The following PIK3C2G variants were observed in gnomAD, a reference collection of about 807,000 sequenced individuals.
PIK3C2G encodes phosphatidylinositol-4-phosphate 3-kinase catalytic subunit type 2 gamma, also known as phosphatidylinositol 3-kinase C2 domain-containing subunit gamma.
A neutral mutation model predicts 181.1 loss-of-function variants in PIK3C2G; 168 were observed. The observed-to-expected ratio is 0.93, with a 90% CI of 0.82 to 1.05. PIK3C2G has a LOEUF of 1.05. Among genes scored for constraint, PIK3C2G ranks in the 50% least tolerant of loss-of-function variants. PIK3C2G has a pLI of 0.00. For synonymous variants in PIK3C2G, 573 were observed against 592.2 expected, an observed-to-expected ratio of 0.97 and a Z score of 0.47; for missense variants, 1,869 against 1,732.8, an observed-to-expected ratio of 1.08 and a Z score of -1.40.
chr12:18,600,075 A>G (rs985441378), intron 30 of PIK3C2G, among the ~76,000 whole-genome samples: 2 of 152,080 alleles, frequency 1.3e-5, no homozygotes, highest in Non-Finnish European at 2.9e-5. Flanking sequence ...AAAGTAGTCA[A>G]TAAGTCAAAA....
intron 18 of PIK3C2G, among the ~76,000 whole-genome samples, chr12:18,446,561 C>A (rs1947040879): frequency 6.6e-6 from 1 of 152,106 alleles, no homozygotes; most frequent in Non-Finnish European, 1.5e-5. Flanking sequence ...TTTCTCCCTG[C>A]AACCTTTTTT....
chr12:18,543,754 T>G (rs1239921337), intron 25 of PIK3C2G, among the ~76,000 whole-genome samples: 1 of 151,960 alleles, frequency 6.6e-6, no homozygotes, highest in African/African-American at 2.4e-5. Flanking sequence ...CCTGTGTGCC[T>G]ATTTTTGTAC....
intron 22 of PIK3C2G, among the ~76,000 whole-genome samples, chr12:18,501,765 T>C (rs1592425413): frequency 2.0e-5 from 3 of 152,350 alleles, no homozygotes; most frequent in Admixed American, 6.5e-5. Context: ...AGGCTTGTGA[T>C]CAGTGTCTTG....
chr12:18,600,689 A>T (rs994164823), intron 30 of PIK3C2G, among the ~76,000 whole-genome samples: 2 of 152,060 alleles, frequency 1.3e-5, no homozygotes, highest in Non-Finnish European at 2.9e-5. Flanking sequence ...GAGAAAATAA[A>T]TTTGTAAATC....
intron 25 of PIK3C2G, among the ~76,000 whole-genome samples, chr12:18,542,159 CAGA>C (rs1201501249): frequency 6.6e-6 from 1 of 151,772 alleles, no homozygotes; most frequent in African/African-American, 2.4e-5. Context: ...TCAGACCTTA[CAGA>C]AGAAGCCTAT....
intron 16 of PIK3C2G, among the ~76,000 whole-genome samples, chr12:18,402,668 T>C (rs1456620925): frequency 6.6e-6 from 1 of 152,138 alleles, no homozygotes; most frequent in African/African-American, 2.4e-5. Context: ...AAATCTTTAA[T>C]AGAATGAGAT....
chr12:18,247,968 T>G (rs1192096026), exon 1 of PIK3C2G: 1 of 152,126 alleles, frequency 6.6e-6, no homozygotes, highest in Non-Finnish European at 1.5e-5. Context: ...GAGAATCAAA[T>G]TATTGAGAAT....
intron 6 of PIK3C2G, 51 bp from the exon 7 acceptor site, chr12:18,320,911 G>T: frequency 1.0e-6 from 1 of 966,652 alleles, no homozygotes; most frequent in Non-Finnish European, 1.6e-6. Context: ...TTTTTATCTG[G>T]TACTCATTCC....
chr12:18,498,083 G>T (rs938171173), intron 22 of PIK3C2G, among the ~76,000 whole-genome samples: 1 of 151,912 alleles, frequency 6.6e-6, no homozygotes, highest in African/African-American at 2.4e-5. Flanking sequence ...ATTTTTAAAA[G>T]AATACAATTG....
chr12:18,693,949 T>A, the PIK3C2G span: 4 of 1,518,884 alleles, frequency 2.6e-6, no homozygotes, highest in Non-Finnish European at 3.7e-6. Context: ...ATGACCTCTC[T>A]GGTGCTGACA....
chr12:18,364,623 G>C (rs940542920), intron 12 of PIK3C2G, among the ~76,000 whole-genome samples: 13 of 152,088 alleles, frequency 8.5e-5, no homozygotes, highest in African/African-American at 3.1e-4. Context: ...ACCAACCCAG[G>C]TGCGGTGGCC....
At chr12:18,672,582 A>T in the PIK3C2G span, among the ~76,000 whole-genome samples, 2 of 152,180 alleles carry the variant, frequency 1.3e-5, no homozygotes, top group African/African-American at 4.8e-5. Context: ...TCACATTTGA[A>T]TGAATATGAG....
chr12:18,620,735 G>A (rs1204702241), intron 31 of PIK3C2G, among the ~76,000 whole-genome samples: 1 of 151,916 alleles, frequency 6.6e-6, no homozygotes, highest in East Asian at 1.9e-4. Context: ...AGAAGAAACT[G>A]ACATTCAATC....
chr12:18,385,866 C>T (rs1252618688), intron 14 of PIK3C2G, among the ~76,000 whole-genome samples: 1 of 152,090 alleles, frequency 6.6e-6, no homozygotes, highest in Admixed American at 6.6e-5. Context: ...CTCACCTCCC[C>T]GTTTGTATCT....
chr12:18,479,730 C>T (rs1032079129), intron 18 of PIK3C2G, among the ~76,000 whole-genome samples: 1 of 152,122 alleles, frequency 6.6e-6, no homozygotes, highest in Non-Finnish European at 1.5e-5. Flanking sequence ...AAGTAGAAAA[C>T]AGTCTTTCAA....
intron 29 of PIK3C2G, among the ~76,000 whole-genome samples, chr12:18,594,224 T>C (rs1947233850): frequency 6.6e-6 from 1 of 151,944 alleles, no homozygotes; most frequent in African/African-American, 2.4e-5. Flanking sequence ...AATGTGGACA[T>C]TTATGATGAG....
intron 22 of PIK3C2G, among the ~76,000 whole-genome samples, chr12:18,498,783 T>C (rs762682192): frequency 8.5e-4 from 129 of 152,296 alleles, no homozygotes; most frequent in Middle Eastern, 3.4e-3. Context: ...AGCCAATTGA[T>C]TTGATTCTGA....
At chr12:18,460,598 T>A (rs981243198) in intron 18 of PIK3C2G, among the ~76,000 whole-genome samples, 13 of 144,572 alleles carry the variant, frequency 9.0e-5, no homozygotes, top group African/African-American at 3.4e-4. Context: ...TAAATAAATA[T>A]AAATAAAAAG....
At chr12:18,570,150 C>T (rs1356288383) in intron 29 of PIK3C2G, among the ~76,000 whole-genome samples, 8 of 151,950 alleles carry the variant, frequency 5.3e-5, no homozygotes, top group Admixed American at 4.6e-4. Flanking sequence ...CGGCTCTTCT[C>T]CTTTATTCAG....
Sources: allele counts gnomAD v4.1 joint callset (sites outside exome capture counted in the v4.1 genomes callset), GRCh38; gene constraint gnomAD v4.1.1; transcripts MANE v1.5; gene names NCBI Gene and HGNC (gene_info 2026-07-23, HGNC 2026-07-21).